The following PLAC1 variants were observed in gnomAD, a reference collection of about 807,000 sequenced individuals.
PLAC1 encodes the protein placenta-specific protein 1.
For missense variants in PLAC1, 136 were observed against 163.2 expected, an observed-to-expected ratio of 0.83 and a Z score of 0.91; for synonymous variants, 68 against 62.1, an observed-to-expected ratio of 1.09 and a Z score of -0.44.
chrX:134,725,456 G>C (rs931959943), intron 2 of PLAC1, among the ~76,000 whole-genome samples: 2 of 111,820 alleles, frequency 1.8e-5, no homozygotes, highest in African/African-American at 6.5e-5. Context: ...TTAAAACACA[G>C]CTGACTGGGG....
intron 2 of PLAC1, among the ~76,000 whole-genome samples, chrX:134,578,435 G>A (rs201709672): frequency 2.0e-4 from 15 of 76,853 alleles, no homozygotes; most frequent in East Asian, 4.8e-4. Flanking sequence ...AAAAAGAAAA[G>A]AAAAAAAAAC....
intron 1 of PLAC1, among the ~76,000 whole-genome samples, chrX:134,632,809 C>T (rs1425341676): frequency 9.0e-6 from 1 of 111,340 alleles, no homozygotes; most frequent in Non-Finnish European, 1.9e-5. Context: ...GTTGTGGGAG[C>T]CCAGAGAATA....
At chrX:134,676,406 C>T (rs1284808726) in intron 2 of PLAC1, among the ~76,000 whole-genome samples, 1 of 111,824 alleles carries the variant, frequency 8.9e-6, no homozygotes, top group African/African-American at 3.3e-5. Context: ...CCATCCTCAA[C>T]TAGGCCAGCA....
At chrX:134,579,572 T>G (rs2077964270) in intron 2 of PLAC1, among the ~76,000 whole-genome samples, 1 of 111,356 alleles carries the variant, frequency 9.0e-6, no homozygotes. Flanking sequence ...CAATTTCCCA[T>G]GCATGACTCG....
intron 2 of PLAC1, chrX:134,601,060 TCACACACACACACACACA>T (rs373837274): frequency 1.0e-5 from 1 of 96,296 alleles, no homozygotes; most frequent in African/African-American, 3.8e-5. Context: ...TTTTTTTTCT[TCACACACACACACACACA>T]CACACACACA....
At chrX:134,725,001 C>CA (rs5903883) in intron 2 of PLAC1, among the ~76,000 whole-genome samples, 14,784 of 91,657 alleles carry the variant, frequency 0.16, 1,066 homozygotes, top group Admixed American at 0.37. Context: ...GACCCTGTCT[C>CA]AAAAAAAAAA....
chrX:134,692,847 T>C (rs2078548602), intron 2 of PLAC1, among the ~76,000 whole-genome samples: 1 of 111,381 alleles, frequency 9.0e-6, no homozygotes, highest in Non-Finnish European at 1.9e-5. Flanking sequence ...CATTTAGCCT[T>C]GAGATAAGGT....
intron 2 of PLAC1, among the ~76,000 whole-genome samples, chrX:134,666,094 G>A (rs1240597930): frequency 9.0e-6 from 1 of 111,370 alleles, no homozygotes; most frequent in African/African-American, 3.3e-5. Flanking sequence ...CGCAGAATCG[G>A]GGACTCAAAC....
chrX:134,758,970 T>C (rs752080349), intron 1 of PLAC1, among the ~76,000 whole-genome samples: 29 of 111,411 alleles, frequency 2.6e-4, no homozygotes, highest in African/African-American at 8.5e-4. Flanking sequence ...AGGACATGAA[T>C]AGACATTTCT....
At chrX:134,747,014 C>T (rs1420182713) in intron 1 of PLAC1, among the ~76,000 whole-genome samples, 2 of 112,021 alleles carry the variant, frequency 1.8e-5, no homozygotes, top group African/African-American at 6.5e-5. Context: ...CAGCCCAAGG[C>T]AGTATATGCT....
chrX:134,631,806 G>A (rs2078263894), intron 1 of PLAC1, among the ~76,000 whole-genome samples: 1 of 111,871 alleles, frequency 8.9e-6, no homozygotes, highest in African/African-American at 3.3e-5. Flanking sequence ...CCCCCAAAAC[G>A]GGCTTTAACG....
chrX:134,735,249 A>G (rs1432765696), intron 1 of PLAC1, among the ~76,000 whole-genome samples: 1 of 111,389 alleles, frequency 9.0e-6, no homozygotes, highest in East Asian at 2.8e-4. Flanking sequence ...CTCTGTAACC[A>G]GTAGCAATCT....
chrX:134,600,001 A>G (rs967170745), intron 2 of PLAC1, among the ~76,000 whole-genome samples: 12 of 110,782 alleles, frequency 1.1e-4, no homozygotes, highest in African/African-American at 3.0e-4. Flanking sequence ...AAGGATAAAC[A>G]TATTTTCCTT....
At chrX:134,732,938 C>T (rs922466342) in intron 2 of PLAC1, among the ~76,000 whole-genome samples, 2 of 111,253 alleles carry the variant, frequency 1.8e-5, no homozygotes, top group Non-Finnish European at 1.9e-5. Flanking sequence ...GGAAGAGAGA[C>T]GGCGAGGGGC....
At chrX:134,710,191 G>T (rs1172254334) in intron 2 of PLAC1, among the ~76,000 whole-genome samples, 1 of 111,907 alleles carries the variant, frequency 8.9e-6, no homozygotes, top group Non-Finnish European at 1.9e-5. Context: ...CAGACAACTG[G>T]CAGAAGACAC....
chrX:134,753,931 C>T (rs1358027262), intron 1 of PLAC1, among the ~76,000 whole-genome samples: 1 of 111,593 alleles, frequency 9.0e-6, no homozygotes, highest in Non-Finnish European at 1.9e-5. Context: ...TTAAATACCC[C>T]GGATGACACA....
At chrX:134,621,465 A>T (rs1436814855) in intron 1 of PLAC1, among the ~76,000 whole-genome samples, 1 of 107,785 alleles carries the variant, frequency 9.3e-6, no homozygotes, top group Non-Finnish European at 1.9e-5. Context: ...AAAAAAAAAA[A>T]AAAAAAAAGA....
chrX:134,612,051 A>G (rs1481915854), intron 1 of PLAC1, among the ~76,000 whole-genome samples: 1 of 112,547 alleles, frequency 8.9e-6, no homozygotes, highest in Non-Finnish European at 1.9e-5. Flanking sequence ...TCCCTGGTAG[A>G]TGACTTTGTA....
chrX:134,608,745 C>T (rs1438024313), intron 1 of PLAC1, among the ~76,000 whole-genome samples: 3 of 104,292 alleles, frequency 2.9e-5, no homozygotes, highest in East Asian at 3.0e-4. Flanking sequence ...GCGCCATCTC[C>T]GCTCACTGCA....
Sources: allele counts gnomAD v4.1 joint callset (sites outside exome capture counted in the v4.1 genomes callset), GRCh38; gene constraint gnomAD v4.1.1; transcripts MANE v1.5; gene names NCBI Gene and HGNC (gene_info 2026-07-23, HGNC 2026-07-21).